The following KAT14 variants were observed in gnomAD, a reference collection of about 807,000 sequenced individuals.
The protein encoded by KAT14 is cysteine-rich protein 2-binding protein.
A neutral mutation model predicts 78.4 loss-of-function variants in KAT14; 66 were observed. That is an observed-to-expected ratio of 0.84 (90% CI 0.69 to 1.03). The LOEUF (loss-of-function observed/expected upper bound fraction) is 1.03, where lower values mean the gene tolerates loss of function less well. Ranked by LOEUF, KAT14 falls within the 50% of genes least tolerant of loss-of-function variation. KAT14 has a pLI of 0.00. For synonymous variants in KAT14, 344 were observed against 359.4 expected (o/e 0.96, Z 0.48); for missense variants, 870 against 972.5 (o/e 0.89, Z 1.40).
chr20:18,154,821 G>A (rs748524824), intron 4 of KAT14, among the ~76,000 whole-genome samples: 11 of 152,048 alleles, frequency 7.2e-5, no homozygotes, highest in African/African-American at 1.2e-4. Context: ...GCAAAATTAC[G>A]TATCTTAAAA....
chr20:18,187,729 C>G lies in KAT14; in HGVS notation c.*270C>G. The G allele has an allele frequency of 2.2e-6, 1 of 446,382 alleles. No homozygotes were observed. The highest frequency in any genetic ancestry group is 4.0e-6 in the Non-Finnish European group (1 of 252,692). The allele number at this position is 446,382 out of a possible 1,614,324, so 27.7% of individuals were successfully genotyped here. A position where few individuals can be genotyped will look rare whatever the true frequency, so the allele number is the denominator to read the frequency against. Reference sequence around the variant, plus strand: ...ATGAATGATGTCGTGATTCTCCCTCCACCTGACAGTTTGTAAGAGTGAAAG... The same window carrying G: ...ATGAATGATGTCGTGATTCTCCCTCGACCTGACAGTTTGTAAGAGTGAAAG... On this transcript the variant is annotated 3_prime_UTR_variant, in exon 11 of 11. Transcript: ENST00000688188.
chr20:18,169,743 T>C (rs1396328864), intron 7 of KAT14, among the ~76,000 whole-genome samples: 2 of 152,182 alleles, frequency 1.3e-5, no homozygotes, highest in East Asian at 3.8e-4. Flanking sequence ...AATGATTAAG[T>C]TTAGTGAGGA....
At chr20:18,181,647 G>A in intron 7 of KAT14, 63 bp from the exon 8 acceptor site, 1 of 1,604,342 alleles carries the variant, frequency 6.2e-7, no homozygotes, top group Non-Finnish European at 8.5e-7. Context: ...GGGATTACCG[G>A]CATGAGCCAC....
intron 4 of KAT14, among the ~76,000 whole-genome samples, chr20:18,158,532 G>A (rs749257433): frequency 1.3e-5 from 2 of 152,208 alleles, no homozygotes; most frequent in Non-Finnish European, 2.9e-5. Context: ...TGCTCTCTGT[G>A]TTTGTGGAGT....
intron 9 of KAT14, 70 bp downstream of exon 9, chr20:18,183,368 G>T: frequency 6.8e-7 from 1 of 1,475,842 alleles, no homozygotes; most frequent in Non-Finnish European, 9.0e-7. Context: ...TTTAAAATTA[G>T]TTTATGTGAT....
At chr20:18,157,197 A>C in intron 4 of KAT14, among the ~76,000 whole-genome samples, 1 of 151,988 alleles carries the variant, frequency 6.6e-6, no homozygotes, top group African/African-American at 2.4e-5. Flanking sequence ...AAATCTTTTG[A>C]GTCTTTGTCA....
rs143363325 is a variant in KAT14, at chr20:18,163,980, C to G, written c.1668+1035C>G. On this transcript the variant is annotated intron_variant, in intron 7 of 10. Coordinates refer to ENST00000688188, the MANE Select transcript of KAT14 (RefSeq NM_001392073.1). Reference sequence around the variant, plus strand: ...TAATTATTTTAGGCTTTGCCGGCCACAAAATCTCATTCGGAACTCTTCAAC... The same window carrying G: ...TAATTATTTTAGGCTTTGCCGGCCAGAAAATCTCATTCGGAACTCTTCAAC... Among the ~76,000 whole-genome samples, 814 of 152,284 alleles carry G rather than the reference C, an allele frequency of 5.3e-3. 7 individuals are homozygous for G. Among genetic ancestry groups the G allele is most frequent in the African/African-American group, 0.019 (773 of 41,550 alleles).
intron 3 of KAT14, among the ~76,000 whole-genome samples, chr20:18,150,405 G>A (rs1245997730): frequency 2.0e-5 from 3 of 152,220 alleles, no homozygotes; most frequent in Admixed American, 2.0e-4. Flanking sequence ...CCGTTGGTCA[G>A]AAAATGCTGG....
At chr20:18,163,817 A>G (rs188710705) in intron 7 of KAT14, among the ~76,000 whole-genome samples, 44 of 152,258 alleles carry the variant, frequency 2.9e-4, no homozygotes, top group East Asian at 5.8e-4. Flanking sequence ...TTTCCTGAGT[A>G]TGGAAAAGTC....
Position 18,159,157 on chromosome 20 carries a change from G to A in KAT14, c.574G>A (p.Gly192Ser), listed in dbSNP as rs1478024549. Residue 192 changes from glycine (G) to serine (S), a missense_variant, in exon 5 of 11, where the codon GGT (glycine) becomes AGT (serine). Gly to Ser is a moderately conservative substitution (Grantham distance 56). Coordinates refer to ENST00000688188, the MANE Select transcript of KAT14 (RefSeq NM_001392073.1). Reference sequence around the variant, plus strand: ...GGGAAGTCCCATGTACTTCCGTTCAGGTGCTCAGGAATTTGGAGAGCCAGG... The same window carrying A: ...GGGAAGTCCCATGTACTTCCGTTCAAGTGCTCAGGAATTTGGAGAGCCAGG... ...SVGSPMYFRS[G>S]AQEFGEPGWW... 2.5e-6 allele frequency: 4 copies of A among 1,614,160 alleles called. No homozygotes were observed. The South Asian group carries it at 4.4e-5, about 18-fold the overall frequency.
chr20:18,176,012 A>C (rs1389950137), intron 7 of KAT14, among the ~76,000 whole-genome samples: 3 of 151,346 alleles, frequency 2.0e-5, no homozygotes, highest in African/African-American at 4.9e-5. Flanking sequence ...TCTCAAAAAA[A>C]AAAAAAAAAA....
intron 7 of KAT14, among the ~76,000 whole-genome samples, chr20:18,165,598 A>G (rs774374259): frequency 5.5e-4 from 84 of 152,078 alleles, no homozygotes; most frequent in Admixed American, 1.0e-3. Context: ...TAAGCCACCC[A>G]GTTTGTGGTG....
At chr20:18,140,680 C>T (rs754855142) in intron 1 of KAT14, among the ~76,000 whole-genome samples, 2 of 151,682 alleles carry the variant, frequency 1.3e-5, no homozygotes, top group South Asian at 2.1e-4. Context: ...GGCCTGGTGG[C>T]GCACGCCTGT....
At chr20:18,180,099 C>T (rs2039195060) in intron 7 of KAT14, among the ~76,000 whole-genome samples, 1 of 152,112 alleles carries the variant, frequency 6.6e-6, no homozygotes, top group Admixed American at 6.5e-5. Flanking sequence ...GAACTCCTAA[C>T]CTCAGGTGAT....
chr20:18,153,193 C>T (rs1416273790), intron 4 of KAT14, among the ~76,000 whole-genome samples: 1 of 152,154 alleles, frequency 6.6e-6, no homozygotes, highest in African/African-American at 2.4e-5. Flanking sequence ...TGAGGAATCA[C>T]AGCTTTGCTC....
Position 18,137,985 on chromosome 20 carries a change from C to T in KAT14, c.-520C>T. On this transcript the variant is annotated 5_prime_UTR_variant, in exon 1 of 11. Transcript: ENST00000688188. ...CTAGGAGCTCGAAGGTGGTGCTGGG[C>T]CTCTCGGTGCTGCTGACGGCGGCCA... 2 of 1,506,222 alleles carry T rather than the reference C, an allele frequency of 1.3e-6. No homozygotes were observed. Among genetic ancestry groups the T allele is most frequent in the Non-Finnish European group, 1.8e-6 (2 of 1,134,320 alleles). The allele number at this position is 1,506,222 out of a possible 1,614,324, so 93.3% of individuals were successfully genotyped here. A position where few individuals can be genotyped will look rare whatever the true frequency, so the allele number is the denominator to read the frequency against.
At chr20:18,141,534 G>A (rs1240023715) in intron 1 of KAT14, among the ~76,000 whole-genome samples, 1 of 152,166 alleles carries the variant, frequency 6.6e-6, no homozygotes, top group Non-Finnish European at 1.5e-5. Context: ...GTAGTTTAGA[G>A]TGTTACTGTA....
rs115975933 is a variant in KAT14, at chr20:18,150,646, G to A, written c.379-175G>A. Among the ~76,000 whole-genome samples, 338 of 152,278 alleles carry A rather than the reference G, an allele frequency of 2.2e-3. 2 individuals carry two copies. The highest frequency in any genetic ancestry group is 7.8e-3 in the African/African-American group (326 of 41,548). On this transcript the variant is annotated intron_variant, in intron 3 of 10. Coordinates refer to ENST00000688188, the MANE Select transcript of KAT14 (RefSeq NM_001392073.1). ...GTGGATTAGTGATAATCTAACGAAA[G>A]TAAAAAAGGAAGTAAATTCTACCCT...
chr20:18,175,356 C>G (rs2038999276), intron 7 of KAT14, among the ~76,000 whole-genome samples: 1 of 152,150 alleles, frequency 6.6e-6, no homozygotes, highest in South Asian at 2.1e-4. Context: ...ACGTGGCTGG[C>G]AAAGTTGATT....
Sources: allele counts gnomAD v4.1 joint callset (sites outside exome capture counted in the v4.1 genomes callset), GRCh38; gene constraint gnomAD v4.1.1; transcripts MANE v1.5; gene names NCBI Gene and HGNC (gene_info 2026-07-23, HGNC 2026-07-21).